The following OBSL1 variants were observed in gnomAD, a reference collection of about 807,000 sequenced individuals.
The protein encoded by OBSL1 is obscurin-like protein 1.
A neutral mutation model predicts 172.0 loss-of-function variants in OBSL1; 160 were observed. That is an observed-to-expected ratio of 0.93 (90% CI 0.82 to 1.06). The LOEUF (loss-of-function observed/expected upper bound fraction) is 1.06, where lower values mean the gene tolerates loss of function less well. Among genes scored for constraint, OBSL1 ranks in the 50% least tolerant of loss-of-function variants. The probability of loss-of-function intolerance (pLI) is 0.00; values close to 1 mark genes in which losing one functional copy is unlikely to be tolerated. For missense variants in OBSL1, 2,681 were observed against 2,715.4 expected, an observed-to-expected ratio of 0.99 and a Z score of 0.28; for synonymous variants, 1,200 against 1,196.3, an observed-to-expected ratio of 1.00 and a Z score of -0.06.
rs1256582270 is a variant in OBSL1 at position 219,562,549 on chromosome 2, C to G, written c.2806G>C (p.Glu936Gln). 12 of 1,613,902 alleles carry G rather than the reference C, an allele frequency of 7.4e-6. No individual in the cohort carries two copies. Among genetic ancestry groups the G allele is most frequent in the Non-Finnish European group, 1.0e-5 (12 of 1,179,866 alleles). ...AGCGCGGGGCTCTCCACCACCTCCT[C>G]TCCATCCTTGGTCCAGCGCACCTCT... ...WAEVRWTKDG[E>Q]EVVESPALLL... The change falls in exon 8 of 21, where the codon GAG becomes CAG. Residue 936 changes from glutamate (E) to glutamine (Q), a missense_variant. By Grantham distance (29) the Glu-to-Gln change is conservative. This residue lies in a region of OBSL1 where 1,765 missense variants were observed against 1,748.3 expected (regional missense o/e 1.01). Coordinates refer to ENST00000404537, the MANE Select transcript of OBSL1 (RefSeq NM_015311.3).
In OBSL1 at chr2:219,554,875, C is replaced by G. The variant is rs1695886402; in HGVS notation, c.4610-135G>C. 3.3e-5 allele frequency: 32 copies of G among 980,442 alleles called. No homozygotes were observed. In the South Asian group the frequency reaches 5.5e-4, roughly 17 times the overall value. The allele number at this position is 980,442 out of a possible 1,614,324, so 60.7% of individuals were successfully genotyped here. On this transcript the variant is annotated intron_variant, in intron 14 of 20. Coordinates refer to ENST00000404537, the MANE Select transcript of OBSL1 (RefSeq NM_015311.3). ...GGTCCTGACCAAAAAAGTTCGGAAC[C>G]AGGGTGCAGGAAGAAAGGAGCACGG...
At chr2:219,547,622 A>G (rs748030440), downstream of OBSL1, 3 of 1,510,868 alleles carry the variant, frequency 2.0e-6, no homozygotes, top group Non-Finnish European at 2.7e-6. Context: ...TGCTGGGGCG[A>G]GCGCGGGCAT....
In OBSL1 at chr2:219,568,509, G is replaced by A. The variant is rs976360613; in HGVS notation, c.1013-185C>T. ...CTAAGATGACCTGAGTTCTCATCCA[G>A]CCCTGACACTAGCCACATCACCTTA... On this transcript the variant is annotated intron_variant, in intron 1 of 20. Coordinates refer to ENST00000404537, the MANE Select transcript of OBSL1 (RefSeq NM_015311.3). This position sits in a 1 kb window ranked among gnomAD's most constrained non-coding sequence, Gnocchi z 4.1. 1.3e-5 allele frequency among the ~76,000 whole-genome samples: 2 copies of A among 152,192 alleles called. No homozygotes were observed. The highest frequency in any genetic ancestry group is 1.3e-4 in the Admixed American group (2 of 15,282).
rs757084713 is a variant in OBSL1 at position 219,565,475 on chromosome 2, G to A, written c.2174C>T (p.Ser725Leu). ...VHILSPQDRV[S>L]LTFTTSERVV... ...CCGCTCTGAGGTTGTGAAGGTCAAC[G>A]ACACCCTGTCCTGGGGGCTCAGGAT... Residue 725 changes from serine (S) to leucine (L), a missense_variant, in exon 6 of 21, where the codon TCG (serine) becomes TTG (leucine). This residue lies in a region of OBSL1 where 1,765 missense variants were observed against 1,748.3 expected (regional missense o/e 1.01). Transcript: ENST00000404537. The A allele has an allele frequency of 2.3e-5, 37 of 1,612,076 alleles. No homozygotes were observed. Among genetic ancestry groups the A allele is most frequent in the Non-Finnish European group, 2.7e-5 (32 of 1,179,874 alleles).
In OBSL1 at chr2:219,556,301, G is replaced by A. The variant is rs768047870; in HGVS notation, c.4337-9C>T. ...GAACAGCAGCTCTGTCTCTGGTGGGGAAGAAGGAGGCCATGGAGTCTGGTG... is the reference window on the plus strand; with the variant it reads ...GAACAGCAGCTCTGTCTCTGGTGGGAAAGAAGGAGGCCATGGAGTCTGGTG... On this transcript the variant is annotated splice_polypyrimidine_tract_variant and intron_variant, in intron 13 of 20. Coordinates refer to ENST00000404537, the MANE Select transcript of OBSL1 (RefSeq NM_015311.3). 1.9e-6 allele frequency: 3 copies of A among 1,573,968 alleles called. No homozygotes were observed. The highest frequency in any genetic ancestry group is 2.4e-5 in the South Asian group (2 of 84,008).
chr2:219,564,764 C>T lies in OBSL1; in HGVS notation c.2407+478G>A, dbSNP rs374172331. ...GGCCAGCCTGGGCAACAGTGAGACC[C>T]TCATCTTAAAAAAAGAAAGAAAGAA... On this transcript the variant is annotated intron_variant, in intron 6 of 20. Transcript: ENST00000404537. Among the ~76,000 whole-genome samples, 9 of 152,046 alleles carry T rather than the reference C, an allele frequency of 5.9e-5. No individual in the cohort carries two copies. In the East Asian group the frequency reaches 9.6e-4, roughly 16 times the overall value.
chr2:219,557,768 G>A, intron 11 of OBSL1, 55 bp downstream of exon 11: 1 of 1,559,808 alleles, frequency 6.4e-7, no homozygotes, highest in Non-Finnish European at 8.6e-7. Context: ...AGAGTTTGGG[G>A]TGCCACTCTC....
intron 3 of OBSL1, 68 bp downstream of exon 3, chr2:219,567,650 A>C: frequency 6.3e-7 from 1 of 1,589,012 alleles, no homozygotes; most frequent in Non-Finnish European, 8.6e-7. Context: ...CTACTTCACC[A>C]ACCCAGCTCC....
rs973264329 is a variant in OBSL1 at position 219,570,409 on chromosome 2, G to A, written c.824C>T (p.Pro275Leu). 1.2e-6 allele frequency: 2 copies of A among 1,613,320 alleles called. No homozygotes were observed. The highest frequency in any genetic ancestry group is 1.7e-6 in the Non-Finnish European group (2 of 1,179,624). ...GCCCTCCCAGTGCCATTCGATCTCG[G>A]GCTCGGGCTTGCCCATCACGTAGCA... is the stretch of plus-strand genomic sequence containing the variant. Reference protein sequence around the residue: ...FRCYVMGKPEPEIEWHWEGRP... With the variant: ...FRCYVMGKPELEIEWHWEGRP... Residue 275 changes from proline to leucine, a missense_variant, in exon 1 of 21, where the codon CCC (proline) becomes CTC (leucine). Physicochemically the swap from Pro to Leu is moderately conservative, Grantham distance 98 (BLOSUM62 -3). Around this residue, in one of 5 missense-constraint regions of OBSL1, gnomAD observed 706 missense variants for 695.8 expected, o/e 1.01. Transcript: ENST00000404537.
intron 8 of OBSL1, among the ~76,000 whole-genome samples, chr2:219,559,884 A>G (rs1037440230): frequency 2.0e-4 from 31 of 152,254 alleles, no homozygotes; most frequent in Admixed American, 2.6e-4. Context: ...TATCTTATAG[A>G]TATACAGCTA....
At position 219,562,699 on chromosome 2, in the gene OBSL1, C is replaced by T. The variant is rs777236414; in HGVS notation, c.2681-25G>A. The T allele has an allele frequency of 1.1e-5, 17 of 1,521,152 alleles. No individual in the cohort carries two copies. In the Middle Eastern group the frequency reaches 1.0e-3, roughly 93 times the overall value. 94.2% of individuals were successfully genotyped at this position (1,521,152 alleles called of 1,614,324 possible). A position where few individuals can be genotyped will look rare whatever the true frequency, so the allele number is the denominator to read the frequency against. On this transcript the variant is annotated intron_variant, in intron 7 of 20. Coordinates refer to ENST00000404537, the MANE Select transcript of OBSL1 (RefSeq NM_015311.3). Reference sequence around the variant, plus strand: ...TCTGGAGGACAGGGACAGCCACTGCCGGGCATGAGGGGTGTGCCCTGCCGT... The same window carrying T: ...TCTGGAGGACAGGGACAGCCACTGCTGGGCATGAGGGGTGTGCCCTGCCGT...
Position 219,568,003 on chromosome 2 carries a change from T to C in OBSL1, c.1283-34A>G. The C allele has an allele frequency of 6.2e-7, 1 of 1,609,568 alleles. No individual in the cohort carries two copies. The highest frequency in any genetic ancestry group is 8.5e-7 in the Non-Finnish European group (1 of 1,176,456). ...CGGACAGGAATCCATCAACCTGGAA[T>C]CTGAGCACCTGCCTGCCTCCGCCTC... On this transcript the variant is annotated intron_variant, in intron 2 of 20. Coordinates refer to ENST00000404537, the MANE Select transcript of OBSL1 (RefSeq NM_015311.3). This position sits in a 1 kb window ranked among gnomAD's most constrained non-coding sequence, Gnocchi z 4.1.
intron 16 of OBSL1, 22 bp from the exon 17 acceptor site, chr2:219,553,046 G>A: frequency 1.4e-6 from 2 of 1,470,842 alleles, no homozygotes; most frequent in Non-Finnish European, 1.8e-6. Context: ...AGTTGCAGAG[G>A]GTCGGGGCGA....
At position 219,570,850 on chromosome 2, in the gene OBSL1, G is replaced by A; in HGVS notation, c.383C>T (p.Pro128Leu). Residue 128 changes from proline (P) to leucine (L), a missense_variant, in exon 1 of 21, where the codon CCG becomes CTG. Transcript: ENST00000404537. Reference protein sequence around the residue: ...LPSPGSGEGAPVFLTGPRSQW... With the variant: ...LPSPGSGEGALVFLTGPRSQW... ...GGATCGAGGCCCCGTGAGGAAGACC[G>A]GGGCGCCCTCCCCGGACCCCGGCGA... The A allele has an allele frequency of 1.4e-6, 2 of 1,438,388 alleles. No individual in the cohort carries two copies. Among genetic ancestry groups the A allele is most frequent in the South Asian group, 1.5e-5 (1 of 68,934 alleles). The allele number at this position is 1,438,388 out of a possible 1,614,324, so 89.1% of individuals were successfully genotyped here.
At position 219,568,461 on chromosome 2, in the gene OBSL1, TA is replaced by T; in HGVS notation, c.1013-138del. 1 of 850,750 alleles carries T rather than the reference TA, an allele frequency of 1.2e-6. No homozygotes were observed. Among genetic ancestry groups the T allele is most frequent in the Non-Finnish European group, 1.8e-6 (1 of 565,768 alleles). The allele number at this position is 850,750 out of a possible 1,614,324, so 52.7% of individuals were successfully genotyped here. On this transcript the variant is annotated intron_variant, in intron 1 of 20. Coordinates refer to ENST00000404537, the MANE Select transcript of OBSL1 (RefSeq NM_015311.3). The surrounding 1 kb of genome is among the most constrained non-coding windows in gnomAD (Gnocchi z 4.1). ...CGGGCACTGTGGAATCACAGAAAACTACCAGAAGGGAAGTGGTGGTTCCTAA... is the reference window on the plus strand; with the variant it reads ...CGGGCACTGTGGAATCACAGAAAACTCCAGAAGGGAAGTGGTGGTTCCTAA...
At position 219,570,338 on chromosome 2, in the gene OBSL1, C is replaced by A. The variant is rs1353102897; in HGVS notation, c.895G>T (p.Asp299Tyr). The change falls in exon 1 of 21, where the codon GAC becomes TAC. Residue 299 changes from aspartate (D) to tyrosine (Y), a missense_variant. Asp to Tyr is a radical substitution (Grantham distance 160). Transcript: ENST00000404537. ...DRRRLMYRDRDGGFVLKVLYC... is the reference protein window; with the variant it reads ...DRRRLMYRDRYGGFVLKVLYC... ...AGCACCTTGAGCACGAAGCCGCCGT[C>A]GCGGTCGCGGTACATGAGGCGGCGG... 1.2e-6 allele frequency: 2 copies of A among 1,612,088 alleles called. No individual in the cohort carries two copies. Among genetic ancestry groups the A allele is most frequent in the Non-Finnish European group, 1.7e-6 (2 of 1,178,988 alleles).
chr2:219,561,664 C>T, intron 8 of OBSL1: 1 of 571,094 alleles, frequency 1.8e-6, no homozygotes, highest in South Asian at 2.0e-5. Context: ...CCCTCCTGCT[C>T]TGTGCTCTTG....
At chr2:219,555,989 G>A (rs750588412) in intron 14 of OBSL1, 31 bp downstream of exon 14, 1 of 1,608,168 alleles carries the variant, frequency 6.2e-7, no homozygotes, top group South Asian at 1.1e-5. Context: ...TGTAGGGTGG[G>A]TAATGCATTA....
At chr2:219,552,086 C>T (rs1215604766) in intron 19 of OBSL1, 26 bp downstream of exon 19, 6 of 1,576,480 alleles carry the variant, frequency 3.8e-6, no homozygotes, top group Admixed American at 1.8e-5. Context: ...TGTACACTCT[C>T]TGTCGCTCCC....
Sources: allele counts gnomAD v4.1 joint callset (sites outside exome capture counted in the v4.1 genomes callset), GRCh38; gene constraint gnomAD v4.1.1; regional missense constraint gnomAD v4.1.1; non-coding constraint Gnocchi (gnomAD v3.1); transcripts MANE v1.5; gene names NCBI Gene and HGNC (gene_info 2026-07-23, HGNC 2026-07-21).